Variants in CTNNA3 observed in about 807,000 individuals in gnomAD.
CTNNA3 encodes catenin alpha-3.
Under a neutral mutation model 95.7 loss-of-function variants are expected in CTNNA3, and 76 were observed. The observed-to-expected ratio is 0.79, with a 90% CI of 0.66 to 0.96. The LOEUF (loss-of-function observed/expected upper bound fraction) is 0.96, where lower values mean the gene tolerates loss of function less well. Among genes scored for constraint, CTNNA3 ranks in the 40% least tolerant of loss-of-function variants. CTNNA3 has a pLI of 0.00. For missense variants in CTNNA3, 1,191 were observed against 1,089.8 expected, an observed-to-expected ratio of 1.09 and a Z score of -1.31; for synonymous variants, 431 against 374.4, an observed-to-expected ratio of 1.15 and a Z score of -1.74.
chr10:66,231,613 T>C (rs576275684), intron 13 of CTNNA3, among the ~76,000 whole-genome samples: 1 of 152,330 alleles, frequency 6.6e-6, no homozygotes, highest in South Asian at 2.1e-4. Flanking sequence ...TTAGTGGTTT[T>C]AGTCAGCACA....
chr10:66,651,518 C>T (rs548000929), intron 9 of CTNNA3, among the ~76,000 whole-genome samples: 84 of 152,018 alleles, frequency 5.5e-4, no homozygotes, highest in African/African-American at 1.7e-3. Context: ...AAGGGGGCAG[C>T]GCCCATCGGG....
intron 5 of CTNNA3, among the ~76,000 whole-genome samples, chr10:67,311,924 T>A (rs1840818572): frequency 1.3e-5 from 2 of 151,938 alleles, no homozygotes. Context: ...ACCAAATCCA[T>A]CAATTATATC....
At position 67,575,428 on chromosome 10, in the gene CTNNA3, A is replaced by G. The variant is rs560882273; in HGVS notation, c.292+31429T>C. On this transcript the variant is annotated intron_variant, in intron 3 of 17. Transcript: ENST00000433211. ...GCATTTTCCCTCTTTCTTGCCATAA[A>G]ACAGCTTTTCTCTGGGGCCATACTC... Among the ~76,000 whole-genome samples, 10 of 152,266 alleles carry G rather than the reference A, an allele frequency of 6.6e-5. No individual in the cohort carries two copies. In the South Asian group the frequency reaches 1.9e-3, roughly 28 times the overall value.
At chr10:66,531,129 AAAT>A (rs1292355900) in intron 10 of CTNNA3, among the ~76,000 whole-genome samples, 1 of 152,220 alleles carries the variant, frequency 6.6e-6, no homozygotes, top group African/African-American at 2.4e-5. Flanking sequence ...CTTCCAAATT[AAAT>A]AAGTAAAAGA....
chr10:66,692,761 C>A (rs1847599990), intron 9 of CTNNA3, among the ~76,000 whole-genome samples: 1 of 152,166 alleles, frequency 6.6e-6, no homozygotes, highest in African/African-American at 2.4e-5. Context: ...AACAGCAGAT[C>A]TCTTGGCAGA....
In CTNNA3 at chr10:66,360,678, C is replaced by CTTTCTTTCTTTCTTTCTTT. The variant is rs1491415824; in HGVS notation, c.1732+18473_1732+18474insAAAGAAAGAAAGAAAGAAA. 2.1e-4 allele frequency among the ~76,000 whole-genome samples: 17 copies of CTTTCTTTCTTTCTTTCTTT among 79,206 alleles called. 4 individuals carry two copies. The highest frequency in any genetic ancestry group is 4.7e-4 in the Non-Finnish European group (17 of 36,188). The allele number at this position is 79,206 out of a possible 152,430, so 52.0% of individuals were successfully genotyped here. Reference sequence around the variant, plus strand: ...TTCTTTCTTCCTTCCTTCCTTCCTTCCTTCCTTCCTTCCTTTTCTTTCTTT... The same window carrying CTTTCTTTCTTTCTTTCTTT: ...TTCTTTCTTCCTTCCTTCCTTCCTTCTTTCTTTCTTTCTTTCTTTCTTCCTTCCTTCCTTTTCTTTCTTT... On this transcript the variant is annotated intron_variant, in intron 12 of 17. Coordinates refer to ENST00000433211, the MANE Select transcript of CTNNA3 (RefSeq NM_013266.4).
rs547954258 is a variant in CTNNA3, at chr10:66,950,189, A to C, written c.1048-174665T>G. ...TTATAACCAAATTTAACTCTTACATAAACTATTTTCTGATACAACCAAAAG... is the reference window on the plus strand; with the variant it reads ...TTATAACCAAATTTAACTCTTACATCAACTATTTTCTGATACAACCAAAAG... On this transcript the variant is annotated intron_variant, in intron 7 of 17. Coordinates refer to ENST00000433211, the MANE Select transcript of CTNNA3 (RefSeq NM_013266.4). Among the ~76,000 whole-genome samples, 3 of 152,304 alleles carry C rather than the reference A, an allele frequency of 2.0e-5. No homozygotes were observed. The East Asian group carries it at 5.8e-4, about 29-fold the overall frequency.
intron 9 of CTNNA3, among the ~76,000 whole-genome samples, chr10:66,700,776 T>C (rs931655550): frequency 2.0e-5 from 3 of 152,176 alleles, no homozygotes; most frequent in East Asian, 3.8e-4. Flanking sequence ...AAAATGAGCA[T>C]TAAAAATTAG....
chr10:67,677,536 C>T (rs1364735541), intron 1 of CTNNA3, among the ~76,000 whole-genome samples: 3 of 152,132 alleles, frequency 2.0e-5, no homozygotes, highest in Non-Finnish European at 2.9e-5. Flanking sequence ...TCACATCCCA[C>T]CCATGTATCC....
intron 10 of CTNNA3, among the ~76,000 whole-genome samples, chr10:66,565,944 A>G (rs545755711): frequency 6.6e-6 from 1 of 152,288 alleles, no homozygotes; most frequent in South Asian, 2.1e-4. Flanking sequence ...ACTGAAAAGA[A>G]AAAAAGGAAA....
chr10:67,374,994 A>G (rs1392469523), intron 5 of CTNNA3, among the ~76,000 whole-genome samples: 2 of 152,214 alleles, frequency 1.3e-5, no homozygotes, highest in African/African-American at 4.8e-5. Flanking sequence ...TTAATGATAC[A>G]ACTCCAGGAG....
chr10:65,917,835 T>A lies in CTNNA3; in HGVS notation c.*2495A>T, dbSNP rs1406741231. The stretch of plus-strand genomic sequence containing the variant: ...ATAATGGGGAGATTTATTCATATCT[T>A]GCTGCTAGTTTTTCTTGCATATAAG... On this transcript the variant is annotated 3_prime_UTR_variant, in exon 18 of 18. Coordinates refer to ENST00000433211, the MANE Select transcript of CTNNA3 (RefSeq NM_013266.4). 6.6e-6 allele frequency: 1 copy of A among 152,196 alleles called. No homozygotes were observed. The highest frequency in any genetic ancestry group is 1.5e-5 in the Non-Finnish European group (1 of 68,036). 9.4% of individuals were successfully genotyped at this position (152,196 alleles called of 1,614,324 possible).
intron 9 of CTNNA3, among the ~76,000 whole-genome samples, chr10:66,687,716 TATAC>T (rs1413995864): frequency 5.7e-5 from 8 of 141,340 alleles, no homozygotes; most frequent in East Asian, 2.2e-4. Flanking sequence ...TATATATATA[TATAC>T]ACACACACAC....
chr10:66,715,591 G>A (rs1332873173), intron 9 of CTNNA3, among the ~76,000 whole-genome samples: 2 of 152,134 alleles, frequency 1.3e-5, no homozygotes, highest in African/African-American at 4.8e-5. Context: ...AAAGTATTAT[G>A]TAAGGCAATA....
intron 13 of CTNNA3, among the ~76,000 whole-genome samples, chr10:66,160,142 T>G (rs1458670067): frequency 6.6e-6 from 1 of 151,982 alleles, no homozygotes. Context: ...TTTGTTTTAT[T>G]TATCTCTTGT....
At chr10:66,518,670 G>A (rs1840948772) in intron 11 of CTNNA3, among the ~76,000 whole-genome samples, 1 of 151,820 alleles carries the variant, frequency 6.6e-6, no homozygotes, top group Non-Finnish European at 1.5e-5. Flanking sequence ...CCAAATATGT[G>A]TAAAAAGGCA....
chr10:67,258,065 T>C (rs1020416560), intron 5 of CTNNA3, among the ~76,000 whole-genome samples: 2 of 152,188 alleles, frequency 1.3e-5, no homozygotes, highest in African/African-American at 4.8e-5. Flanking sequence ...ATAAGTCCTT[T>C]CCTTGTTCCT....
intron 13 of CTNNA3, among the ~76,000 whole-genome samples, chr10:66,116,359 T>C (rs1173473683): frequency 6.6e-6 from 1 of 152,148 alleles, no homozygotes; most frequent in African/African-American, 2.4e-5. Flanking sequence ...CACCATAGAA[T>C]CTAGTCATTC....
At chr10:66,877,410 G>A (rs143764571) in intron 7 of CTNNA3, among the ~76,000 whole-genome samples, 19 of 152,270 alleles carry the variant, frequency 1.2e-4, no homozygotes, top group African/African-American at 4.6e-4. Context: ...TTTTCTTGAA[G>A]TGGACTGGGG....
Sources: allele counts gnomAD v4.1 joint callset (sites outside exome capture counted in the v4.1 genomes callset), GRCh38; gene constraint gnomAD v4.1.1; transcripts MANE v1.5; gene names NCBI Gene and HGNC (gene_info 2026-07-23, HGNC 2026-07-21).